Variants in CDH6 observed in about 807,000 individuals in gnomAD.
CDH6 encodes the protein cadherin 6.
A neutral mutation model predicts 78.0 loss-of-function variants in CDH6; 31 were observed. The observed-to-expected ratio is 0.40, with a 90% CI of 0.30 to 0.54. The LOEUF (loss-of-function observed/expected upper bound fraction) is 0.54, where lower values mean the gene tolerates loss of function less well. Among genes scored for constraint, CDH6 ranks in the 20% least tolerant of loss-of-function variants. CDH6 has a pLI of 0.56. For missense variants in CDH6, 724 were observed against 975.9 expected, an observed-to-expected ratio of 0.74 and a Z score of 3.44; for synonymous variants, 376 against 368.8, an observed-to-expected ratio of 1.02 and a Z score of -0.23.
At chr5:31,273,142 A>G (rs1315116118) in intron 2 of CDH6, among the ~76,000 whole-genome samples, 2 of 152,234 alleles carry the variant, frequency 1.3e-5, no homozygotes, top group Non-Finnish European at 2.9e-5. Context: ...TAATTACATG[A>G]TCCAAATTAG....
intron 1 of CDH6, among the ~76,000 whole-genome samples, chr5:31,216,674 C>G (rs943867677): frequency 1.3e-5 from 1 of 78,832 alleles, no homozygotes. Flanking sequence ...ATATAGCAAG[C>G]CCTGCCACCA....
chr5:31,318,805 TA>T (rs1441793288), intron 11 of CDH6: 2 of 225,400 alleles, frequency 8.9e-6, no homozygotes, highest in Non-Finnish European at 1.8e-5. Flanking sequence ...TACTCTTTTT[TA>T]AAAAATGAAG....
chr5:31,237,375 T>C (rs1741480654), intron 1 of CDH6, among the ~76,000 whole-genome samples: 1 of 152,132 alleles, frequency 6.6e-6, no homozygotes, highest in South Asian at 2.1e-4. Context: ...CTAGATCATA[T>C]GGCGAACACT....
intron 1 of CDH6, 26 bp from the exon 2 acceptor site, chr5:31,267,320 G>A (rs1210673280): frequency 3.3e-6 from 2 of 599,086 alleles, no homozygotes; most frequent in Non-Finnish European, 5.9e-6. Context: ...CTCTAAAAAT[G>A]CTTGTTATGT....
chr5:31,218,823 C>A (rs191129412), intron 1 of CDH6, among the ~76,000 whole-genome samples: 2 of 152,308 alleles, frequency 1.3e-5, no homozygotes, highest in East Asian at 3.9e-4. Flanking sequence ...GTTACTCCTG[C>A]TGCTTCAAAA....
intron 8 of CDH6, among the ~76,000 whole-genome samples, chr5:31,315,948 T>G (rs550407426): frequency 1.3e-5 from 2 of 152,222 alleles, no homozygotes; most frequent in African/African-American, 4.8e-5. Flanking sequence ...TTGTGTTATC[T>G]TAAGGTTTAT....
intron 2 of CDH6, among the ~76,000 whole-genome samples, chr5:31,281,009 C>A (rs534582537): frequency 6.6e-6 from 1 of 152,012 alleles, no homozygotes; most frequent in South Asian, 2.1e-4. Flanking sequence ...ATTTACTCAT[C>A]ATTTATTGTG....
At position 31,210,056 on chromosome 5, in the gene CDH6, T is replaced by C. The variant is rs537521138; in HGVS notation, c.-129+16170T>C. ...GCTTTTTAGAATAAAGACCCATTCT[T>C]GGGACCAGCTTTTCTTAAATTGTGT... On this transcript the variant is annotated intron_variant, in intron 1 of 11. Coordinates refer to ENST00000265071, the MANE Select transcript of CDH6 (RefSeq NM_004932.4). Among the ~76,000 whole-genome samples, 64 of 149,050 alleles carry C rather than the reference T, an allele frequency of 4.3e-4. 1 individual carries two copies. The South Asian group carries it at 0.013, about 29-fold the overall frequency.
chr5:31,200,859 C>A (rs1425661621), intron 1 of CDH6, among the ~76,000 whole-genome samples: 1 of 152,044 alleles, frequency 6.6e-6, no homozygotes, highest in African/African-American at 2.4e-5. Flanking sequence ...GTTAATCTAG[C>A]CTTCAAGGAA....
chr5:31,248,944 G>A (rs1741832669), intron 1 of CDH6, among the ~76,000 whole-genome samples: 1 of 152,010 alleles, frequency 6.6e-6, no homozygotes, highest in African/African-American at 2.4e-5. Context: ...CCCTCAATAA[G>A]AATTCATTAA....
rs1166532605 is a variant in CDH6 at position 31,292,787 on chromosome 5, G to GTA, written c.229-1167_229-1166dup. On this transcript the variant is annotated intron_variant, in intron 2 of 11. Coordinates refer to ENST00000265071, the MANE Select transcript of CDH6 (RefSeq NM_004932.4). ...TGTGCGTGTGTGTATGTGTGTATAT[G>GTA]TATATATATGTGTGTGCATATATAT... Among the ~76,000 whole-genome samples, 15 of 145,398 alleles carry GTA rather than the reference G, an allele frequency of 1.0e-4. No homozygotes were observed. The East Asian group carries it at 2.3e-3, about 22-fold the overall frequency.
chr5:31,324,039 G>A lies in CDH6; in HGVS notation c.*731G>A, dbSNP rs1290267414. On this transcript the variant is annotated 3_prime_UTR_variant, in exon 12 of 12. Transcript: ENST00000265071. ...TTTGCCTTTGTACCATATAAAGGGG[G>A]AGGGAAATAGCTAATAATGTTAACC... The A allele has an allele frequency of 8.9e-6, 2 of 225,874 alleles. No homozygotes were observed. The highest frequency in any genetic ancestry group is 4.4e-5 in the African/African-American group (2 of 44,988). 14.0% of individuals were successfully genotyped at this position (225,874 alleles called of 1,614,324 possible).
In CDH6 at chr5:31,199,287, CAT is replaced by C. The variant is rs567287715; in HGVS notation, c.-129+5409_-129+5410del. On this transcript the variant is annotated intron_variant, in intron 1 of 11. Coordinates refer to ENST00000265071, the MANE Select transcript of CDH6 (RefSeq NM_004932.4). ...CAGAGCATATATATCTATACACACA[CAT>C]ATATATAGTGGACAGAAGGAAAAGA... Among the ~76,000 whole-genome samples the C allele has an allele frequency of 1.2e-3, 174 of 150,434 alleles. 1 individual carries two copies. The highest frequency in any genetic ancestry group is 2.0e-3 in the Non-Finnish European group (138 of 67,532).
At chr5:31,282,871 T>C (rs1198720414) in intron 2 of CDH6, among the ~76,000 whole-genome samples, 4 of 152,164 alleles carry the variant, frequency 2.6e-5, no homozygotes, top group Admixed American at 2.0e-4. Context: ...TTATTAAATG[T>C]AACAAAAAAC....
intron 1 of CDH6, among the ~76,000 whole-genome samples, chr5:31,239,764 C>A (rs1741547976): frequency 6.6e-6 from 1 of 152,180 alleles, no homozygotes; most frequent in South Asian, 2.1e-4. Context: ...AACTCACTTG[C>A]ACAAAGGCTG....
At chr5:31,290,969 G>A (rs537259380) in intron 2 of CDH6, among the ~76,000 whole-genome samples, 3 of 152,064 alleles carry the variant, frequency 2.0e-5, no homozygotes, top group East Asian at 1.9e-4. Flanking sequence ...ACATTGTTTC[G>A]GGTGTTTGTT....
At chr5:31,279,081 A>G (rs182573191) in intron 2 of CDH6, among the ~76,000 whole-genome samples, 9 of 152,318 alleles carry the variant, frequency 5.9e-5, no homozygotes, top group African/African-American at 1.9e-4. Flanking sequence ...GAAAAGCATT[A>G]TACTTGAACA....
At chr5:31,287,015 T>A (rs932677564) in intron 2 of CDH6, among the ~76,000 whole-genome samples, 1 of 152,006 alleles carries the variant, frequency 6.6e-6, no homozygotes, top group Non-Finnish European at 1.5e-5. Context: ...GAGAAGGTGA[T>A]GAGGTCAATA....
At chr5:31,229,352 G>T (rs1202377174) in intron 1 of CDH6, among the ~76,000 whole-genome samples, 1 of 152,206 alleles carries the variant, frequency 6.6e-6, no homozygotes, top group Non-Finnish European at 1.5e-5. Flanking sequence ...GGCCAAAATA[G>T]ATTGGAGGGT....
Sources: allele counts gnomAD v4.1 joint callset (sites outside exome capture counted in the v4.1 genomes callset), GRCh38; gene constraint gnomAD v4.1.1; transcripts MANE v1.5; gene names NCBI Gene and HGNC (gene_info 2026-07-23, HGNC 2026-07-21).